Variants in PCDH7 observed in about 807,000 individuals in gnomAD.
The protein encoded by PCDH7 is protocadherin-7.
A neutral mutation model predicts 58.9 loss-of-function variants in PCDH7; 17 were observed. That is an observed-to-expected ratio of 0.29 (90% CI 0.20 to 0.43). The LOEUF is 0.43. Ranked by LOEUF, PCDH7 falls within the 20% of genes least tolerant of loss-of-function variation. The probability of loss-of-function intolerance (pLI) is 1.00; values close to 1 mark genes in which losing one functional copy is unlikely to be tolerated. For synonymous variants in PCDH7, 664 were observed against 616.4 expected (o/e 1.08, Z -1.14); for missense variants, 1,274 against 1,441.0 (o/e 0.88, Z 1.88).
intron 3 of PCDH7, among the ~76,000 whole-genome samples, chr4:31,071,309 T>C (rs1758525345): frequency 6.6e-6 from 1 of 152,116 alleles, no homozygotes; most frequent in Non-Finnish European, 1.5e-5. Flanking sequence ...CATTCTATCA[T>C]GTTTACTGTG....
chr4:31,016,759 G>A (rs1484490299), intron 3 of PCDH7, among the ~76,000 whole-genome samples: 1 of 151,946 alleles, frequency 6.6e-6, no homozygotes, highest in Non-Finnish European at 1.5e-5. Flanking sequence ...GTGTCTCAAA[G>A]CAAATAATTG....
intron 3 of PCDH7, among the ~76,000 whole-genome samples, chr4:31,062,465 T>A (rs989924698): frequency 6.6e-6 from 1 of 151,786 alleles, no homozygotes; most frequent in Non-Finnish European, 1.5e-5. Context: ...ATACTTCTTA[T>A]CATTTAGACA....
intron 3 of PCDH7, among the ~76,000 whole-genome samples, chr4:30,961,392 A>C (rs974081153): frequency 2.0e-5 from 3 of 151,632 alleles, no homozygotes; most frequent in African/African-American, 7.3e-5. Flanking sequence ...AAAATACAAA[A>C]AAAAAAAAAA....
intron 1 of PCDH7, among the ~76,000 whole-genome samples, chr4:30,774,189 T>C (rs1721773046): frequency 6.6e-6 from 1 of 152,146 alleles, no homozygotes; most frequent in South Asian, 2.1e-4. Context: ...CAGGAGGGTG[T>C]ATATACCTAC....
intron 1 of PCDH7, among the ~76,000 whole-genome samples, chr4:30,871,596 A>G (rs1735598642): frequency 6.6e-6 from 1 of 152,150 alleles, no homozygotes; most frequent in Non-Finnish European, 1.5e-5. Flanking sequence ...GTCGATGATC[A>G]GCTGGTAACC....
intron 1 of PCDH7, among the ~76,000 whole-genome samples, chr4:30,775,362 T>C (rs913428091): frequency 6.6e-6 from 1 of 152,184 alleles, no homozygotes; most frequent in African/African-American, 2.4e-5. Context: ...TGATAAATAT[T>C]GTATATCTAA....
rs75783184 is a variant in PCDH7 at position 31,022,759 on chromosome 4, C to A, written c.*7+72544C>A. 8.5e-3 allele frequency among the ~76,000 whole-genome samples: 1,290 copies of A among 152,090 alleles called. 16 individuals are homozygous for A. Among genetic ancestry groups the A allele is most frequent in the African/African-American group, 0.028 (1,178 of 41,494 alleles). On this transcript the variant is annotated intron_variant, in intron 3 of 3. Transcript: ENST00000509759. ...TTGAAAACTATTATGAGTAGGCTAC[C>A]TGGTTAGAAAAATACAGAGTTGAGT...
At chr4:30,861,088 C>A (rs1734134618) in intron 1 of PCDH7, among the ~76,000 whole-genome samples, 1 of 152,122 alleles carries the variant, frequency 6.6e-6, no homozygotes, top group Non-Finnish European at 1.5e-5. Flanking sequence ...CAGAAGGGAG[C>A]ATGTGCGCAA....
intron 1 of PCDH7, among the ~76,000 whole-genome samples, chr4:30,800,123 G>C (rs1725343935): frequency 6.6e-6 from 1 of 151,814 alleles, no homozygotes; most frequent in African/African-American, 2.4e-5. Flanking sequence ...CTCCCAAAGT[G>C]CTGGGATTAC....
intron 1 of PCDH7, among the ~76,000 whole-genome samples, chr4:30,909,552 A>G (rs1207257047): frequency 6.6e-6 from 1 of 152,128 alleles, no homozygotes; most frequent in East Asian, 1.9e-4. Flanking sequence ...AAACAGCCAA[A>G]TTATGAGCAA....
At chr4:30,950,519 C>G (rs1330469917) in intron 3 of PCDH7, among the ~76,000 whole-genome samples, 1 of 152,048 alleles carries the variant, frequency 6.6e-6, no homozygotes, top group Non-Finnish European at 1.5e-5. Flanking sequence ...ATGAATATGC[C>G]ACTTTCAACA....
intron 3 of PCDH7, among the ~76,000 whole-genome samples, chr4:30,956,334 T>C (rs1747866662): frequency 6.6e-6 from 1 of 152,192 alleles, no homozygotes; most frequent in African/African-American, 2.4e-5. Context: ...GATAAAATTA[T>C]CAAATATTTT....
At chr4:30,770,509 G>A (rs1299753094) in intron 1 of PCDH7, among the ~76,000 whole-genome samples, 2 of 152,172 alleles carry the variant, frequency 1.3e-5, no homozygotes, top group African/African-American at 2.4e-5. Context: ...AAACTCAGGT[G>A]GGAATTGAGT....
chr4:31,064,618 C>T (rs939059188), intron 3 of PCDH7, among the ~76,000 whole-genome samples: 2 of 151,940 alleles, frequency 1.3e-5, no homozygotes, highest in Admixed American at 6.6e-5. Context: ...GTCTTCCTGG[C>T]TTGAAGCTAT....
chr4:30,874,818 T>G (rs1359797393), intron 1 of PCDH7, among the ~76,000 whole-genome samples: 2 of 152,046 alleles, frequency 1.3e-5, no homozygotes, highest in African/African-American at 4.8e-5. Context: ...GACCATTACT[T>G]AACTACCTCT....
chr4:30,904,966 A>T (rs1035619900), intron 1 of PCDH7, among the ~76,000 whole-genome samples: 2 of 152,212 alleles, frequency 1.3e-5, no homozygotes, highest in African/African-American at 4.8e-5. Flanking sequence ...ACAAACCTTC[A>T]TTCCACAGAA....
chr4:30,771,603 G>A (rs1721408612), intron 1 of PCDH7, among the ~76,000 whole-genome samples: 2 of 152,110 alleles, frequency 1.3e-5, no homozygotes, highest in African/African-American at 4.8e-5. Context: ...ACATAAATGT[G>A]ATTTTTAAAT....
At chr4:30,957,327 G>A (rs1747962654) in intron 3 of PCDH7, among the ~76,000 whole-genome samples, 1 of 152,074 alleles carries the variant, frequency 6.6e-6, no homozygotes, top group Non-Finnish European at 1.5e-5. Context: ...TATTTGACAG[G>A]GGAAAAATGT....
chr4:30,958,429 T>G (rs1386481408), intron 3 of PCDH7, among the ~76,000 whole-genome samples: 1 of 151,990 alleles, frequency 6.6e-6, no homozygotes, highest in Non-Finnish European at 1.5e-5. Context: ...TATACTATAA[T>G]AGCAAAAGAA....
Sources: gnomAD v4.1 joint callset for allele counts (sites outside exome capture counted in the v4.1 genomes callset) on GRCh38, gnomAD v4.1.1 for gene constraint, MANE v1.5 for transcripts, NCBI Gene and HGNC (gene_info 2026-07-23, HGNC 2026-07-21) for gene names.